HEMK2: variants seen among roughly 807,000 people sequenced by gnomAD.
HEMK2 encodes methyltransferase HEMK2.
At chr21:28,780,557 C>T in the HEMK2 span, among the ~76,000 whole-genome samples, 1 of 151,784 alleles carries the variant, frequency 6.6e-6, no homozygotes, top group Non-Finnish European at 1.5e-5. Context: ...ATGATCTGCC[C>T]GCCTTGGCAT....
chr21:28,756,084 G>A, the HEMK2 span, among the ~76,000 whole-genome samples: 1 of 151,850 alleles, frequency 6.6e-6, no homozygotes, highest in Non-Finnish European at 1.5e-5. Flanking sequence ...AACTCAAGAA[G>A]ACAGACACAA....
chr21:28,664,302 C>T, the HEMK2 span, among the ~76,000 whole-genome samples: 1 of 152,074 alleles, frequency 6.6e-6, no homozygotes, highest in African/African-American at 2.4e-5. Context: ...TCTTTTGGTA[C>T]AATTGAAACC....
chr21:28,868,095 T>G, the HEMK2 span, among the ~76,000 whole-genome samples: 2 of 152,206 alleles, frequency 1.3e-5, no homozygotes, highest in Non-Finnish European at 2.9e-5. Flanking sequence ...TGTTTCTTTA[T>G]GGACTTTCCA....
At chr21:28,803,700 T>G in the HEMK2 span, among the ~76,000 whole-genome samples, 2 of 152,224 alleles carry the variant, frequency 1.3e-5, no homozygotes, top group Non-Finnish European at 2.9e-5. Context: ...TCCTCCCGTT[T>G]ACACCCCACC....
chr21:28,644,917 C>G, the HEMK2 span, among the ~76,000 whole-genome samples: 1 of 152,184 alleles, frequency 6.6e-6, no homozygotes, highest in Non-Finnish European at 1.5e-5. Context: ...CCTCTCTAGA[C>G]TGAGGCCAGT....
the HEMK2 span, among the ~76,000 whole-genome samples, chr21:28,832,785 C>A: frequency 6.6e-6 from 1 of 152,206 alleles, no homozygotes; most frequent in Non-Finnish European, 1.5e-5. Context: ...TAACCATAAC[C>A]ATTCGTGTAT....
the HEMK2 span, among the ~76,000 whole-genome samples, chr21:28,588,777 A>T: frequency 2.6e-5 from 4 of 151,964 alleles, no homozygotes; most frequent in Admixed American, 6.6e-5. Flanking sequence ...AGGTCAGGAG[A>T]TCGAGACCAT....
the HEMK2 span, chr21:28,873,862 C>G: frequency 0.078 from 11,913 of 151,938 alleles, 1,116 homozygotes; most frequent in African/African-American, 0.21. Context: ...TGTAAGACCT[C>G]TAGGCCAGCA....
At chr21:28,676,823 C>T in the HEMK2 span, among the ~76,000 whole-genome samples, 2 of 152,292 alleles carry the variant, frequency 1.3e-5, no homozygotes, top group East Asian at 3.9e-4. Context: ...TTTTTTATGG[C>T]CATGTGGCAA....
chr21:28,694,115 A>G, the HEMK2 span, among the ~76,000 whole-genome samples: 243 of 152,340 alleles, frequency 1.6e-3, no homozygotes, highest in Non-Finnish European at 2.6e-3. Context: ...ACCTGTTTGT[A>G]ATTATTGGCC....
the HEMK2 span, among the ~76,000 whole-genome samples, chr21:28,854,117 A>T: frequency 2.0e-5 from 3 of 152,084 alleles, no homozygotes; most frequent in Admixed American, 2.0e-4. Context: ...TATTTTCATC[A>T]TTTTGTCCAC....
At chr21:28,879,959 T>C in the HEMK2 span, 8 of 1,572,276 alleles carry the variant, frequency 5.1e-6, no homozygotes, top group African/African-American at 6.8e-5. Flanking sequence ...TTGACCTAAA[T>C]GTATTCAACA....
the HEMK2 span, among the ~76,000 whole-genome samples, chr21:28,805,253 T>C: frequency 1.3e-3 from 192 of 152,288 alleles, 1 homozygote; most frequent in Non-Finnish European, 2.1e-3. Flanking sequence ...CTGACTGAAA[T>C]AGTGGCTTCA....
At chr21:28,830,140 T>C in the HEMK2 span, among the ~76,000 whole-genome samples, 2 of 152,260 alleles carry the variant, frequency 1.3e-5, no homozygotes, top group Non-Finnish European at 2.9e-5. Context: ...GAACCCTGGG[T>C]ATGGTACATC....
the HEMK2 span, among the ~76,000 whole-genome samples, chr21:28,632,723 G>A: frequency 1.3e-5 from 2 of 152,124 alleles, no homozygotes; most frequent in Admixed American, 6.5e-5. Flanking sequence ...AACTTTATCA[G>A]GATGGCTGCT....
At chr21:28,672,392 C>T in the HEMK2 span, among the ~76,000 whole-genome samples, 1 of 151,890 alleles carries the variant, frequency 6.6e-6, no homozygotes, top group Non-Finnish European at 1.5e-5. Context: ...GAGAGGACTG[C>T]ATATGTTTAC....
chr21:28,824,326 C>T, the HEMK2 span, among the ~76,000 whole-genome samples: 2 of 152,206 alleles, frequency 1.3e-5, no homozygotes, highest in African/African-American at 2.4e-5. Context: ...GAAGAAATCA[C>T]TCCTATCTGA....
chr21:28,857,388 G>A, the HEMK2 span, among the ~76,000 whole-genome samples: 4 of 152,068 alleles, frequency 2.6e-5, no homozygotes, highest in Admixed American at 2.6e-4. Context: ...ATTCTTCGTT[G>A]AAAGGATGTA....
chr21:28,708,340 C>T, the HEMK2 span, among the ~76,000 whole-genome samples: 98 of 152,030 alleles, frequency 6.4e-4, no homozygotes, highest in African/African-American at 2.3e-3. Flanking sequence ...TTGCCTCCTG[C>T]CAAAGAGTAT....
Sources: gnomAD v4.1 joint callset for allele counts (sites outside exome capture counted in the v4.1 genomes callset) on GRCh38, gnomAD v4.1.1 for gene constraint, MANE v1.5 for transcripts, NCBI Gene and HGNC (gene_info 2026-07-23, HGNC 2026-07-21) for gene names.